Variants in PLXDC2 observed in about 807,000 individuals in gnomAD.
PLXDC2 encodes plexin domain-containing protein 2.
In PLXDC2, 40 loss-of-function variants were observed where a neutral mutation model predicts 68.9. That is an observed-to-expected ratio of 0.58 (90% CI 0.45 to 0.76). The LOEUF (loss-of-function observed/expected upper bound fraction) is 0.76. Among genes scored for constraint, PLXDC2 ranks in the 30% least tolerant of loss-of-function variants. The pLI, the probability that PLXDC2 is intolerant of heterozygous loss-of-function variation, is 0.00. For missense variants in PLXDC2, 644 were observed against 661.9 expected (o/e 0.97, Z 0.30); for synonymous variants, 243 against 234.2 (o/e 1.04, Z -0.34).
At chr10:20,060,370 G>A (rs1313819914) in intron 3 of PLXDC2, among the ~76,000 whole-genome samples, 1 of 151,336 alleles carries the variant, frequency 6.6e-6, no homozygotes, top group African/African-American at 2.4e-5. Flanking sequence ...GGGGAATAAA[G>A]CACGAAATGA....
At chr10:19,929,046 T>C (rs1221172284) in intron 1 of PLXDC2, among the ~76,000 whole-genome samples, 1 of 149,114 alleles carries the variant, frequency 6.7e-6, no homozygotes, top group Non-Finnish European at 1.5e-5. Flanking sequence ...TGAGCCACCA[T>C]GCCCAGACGA....
chr10:20,018,705 TTTC>T (rs1253250867), intron 2 of PLXDC2, among the ~76,000 whole-genome samples: 7 of 152,196 alleles, frequency 4.6e-5, no homozygotes, highest in African/African-American at 1.2e-4. Flanking sequence ...TAATCATTTT[TTTC>T]TTCTTTTTTT....
chr10:19,961,545 A>G (rs138265270), intron 1 of PLXDC2, among the ~76,000 whole-genome samples: 21 of 152,378 alleles, frequency 1.4e-4, no homozygotes, highest in African/African-American at 5.0e-4. Flanking sequence ...GTCTTATGAC[A>G]TGATCAGTTC....
chr10:20,001,487 AG>A (rs1834936739), intron 1 of PLXDC2, among the ~76,000 whole-genome samples: 1 of 152,048 alleles, frequency 6.6e-6, no homozygotes, highest in Non-Finnish European at 1.5e-5. Flanking sequence ...GGAGGGGGCA[AG>A]GGAAGGGAAT....
intron 3 of PLXDC2, among the ~76,000 whole-genome samples, chr10:20,052,478 A>G (rs1416988936): frequency 1.3e-5 from 2 of 152,078 alleles, no homozygotes; most frequent in Non-Finnish European, 2.9e-5. Context: ...TGCAACAAAC[A>G]CACACATACT....
chr10:20,092,189 A>G (rs1408156104), intron 4 of PLXDC2, among the ~76,000 whole-genome samples: 1 of 152,218 alleles, frequency 6.6e-6, no homozygotes, highest in Admixed American at 6.5e-5. Context: ...GAAATACCGC[A>G]TAAGTAATTG....
At chr10:20,044,959 T>C (rs1479438988) in intron 2 of PLXDC2, among the ~76,000 whole-genome samples, 2 of 152,082 alleles carry the variant, frequency 1.3e-5, no homozygotes, top group African/African-American at 2.4e-5. Context: ...TGTTTTACCC[T>C]CAGACAACCC....
chr10:19,830,994 C>T (rs1564602492), intron 1 of PLXDC2, among the ~76,000 whole-genome samples: 1 of 148,322 alleles, frequency 6.7e-6, no homozygotes, highest in African/African-American at 2.5e-5. Context: ...GGTTTGTTTC[C>T]TTTTTTTTTT....
chr10:19,979,466 C>A (rs11011714), intron 1 of PLXDC2, among the ~76,000 whole-genome samples: 1 of 151,398 alleles, frequency 6.6e-6, no homozygotes, highest in Non-Finnish European at 1.5e-5. Flanking sequence ...GCAAGCTCCA[C>A]CTCCCAGGTT....
chr10:19,994,427 C>T (rs762856050), intron 1 of PLXDC2, among the ~76,000 whole-genome samples: 9 of 146,556 alleles, frequency 6.1e-5, no homozygotes, highest in Non-Finnish European at 8.9e-5. Context: ...TTCCTAGGCT[C>T]AAGCGATCCT....
chr10:20,039,349 T>A (rs1156978547), intron 2 of PLXDC2, among the ~76,000 whole-genome samples: 3 of 152,226 alleles, frequency 2.0e-5, no homozygotes, highest in Non-Finnish European at 4.4e-5. Flanking sequence ...ACGGCATTTC[T>A]TTTAATGCTG....
At chr10:20,160,293 G>T (rs200249457) in intron 6 of PLXDC2, among the ~76,000 whole-genome samples, 1 of 152,024 alleles carries the variant, frequency 6.6e-6, no homozygotes, top group East Asian at 1.9e-4. Flanking sequence ...GTGGTGGTTT[G>T]ACAGATGCAG....
At position 20,217,410 on chromosome 10, in the gene PLXDC2, T is replaced by G. The variant is rs192048575; in HGVS notation, c.1123-16T>G. 1.7e-4 allele frequency: 266 copies of G among 1,600,988 alleles called. 1 individual carries two copies. In the African/African-American group the frequency reaches 3.2e-3, roughly 19 times the overall value. ...GTGATCACTCCATTTGTTTTCCTTT[T>G]CTTTTCTCTTACTAGTCAAAAGAGA... On this transcript the variant is annotated splice_polypyrimidine_tract_variant and intron_variant, in intron 10 of 13. Coordinates refer to ENST00000377252, the MANE Select transcript of PLXDC2 (RefSeq NM_032812.9).
At chr10:20,049,474 C>T (rs566375320) in intron 3 of PLXDC2, among the ~76,000 whole-genome samples, 2 of 151,964 alleles carry the variant, frequency 1.3e-5, no homozygotes, top group South Asian at 4.2e-4. Flanking sequence ...TAGTCTAGGC[C>T]CAAAAACTCC....
intron 12 of PLXDC2, among the ~76,000 whole-genome samples, chr10:20,234,208 C>G (rs936364825): frequency 1.3e-5 from 2 of 152,120 alleles, no homozygotes; most frequent in Admixed American, 1.3e-4. Flanking sequence ...GACCAAAGCC[C>G]TTGCAACTAT....
chr10:20,182,988 T>C (rs1589669278), intron 9 of PLXDC2, among the ~76,000 whole-genome samples: 1 of 151,988 alleles, frequency 6.6e-6, no homozygotes, highest in Non-Finnish European at 1.5e-5. Context: ...GAATTAGAAG[T>C]GAAGTAGATG....
chr10:20,004,603 A>G (rs1051428648), intron 2 of PLXDC2, among the ~76,000 whole-genome samples: 8 of 152,192 alleles, frequency 5.3e-5, no homozygotes, highest in Non-Finnish European at 2.9e-5. Context: ...AATGCAAAAA[A>G]TCTGCACCCC....
At chr10:20,217,919 A>G (rs945458052) in intron 11 of PLXDC2, among the ~76,000 whole-genome samples, 1 of 152,072 alleles carries the variant, frequency 6.6e-6, no homozygotes. Flanking sequence ...CAACTTCACA[A>G]TCACAGGTTA....
chr10:19,859,311 A>G (rs1336381416), intron 1 of PLXDC2, among the ~76,000 whole-genome samples: 1 of 152,206 alleles, frequency 6.6e-6, no homozygotes, highest in Non-Finnish European at 1.5e-5. Context: ...ACAATAGCAG[A>G]TGCCAAAGCA....
Sources: allele counts gnomAD v4.1 joint callset (sites outside exome capture counted in the v4.1 genomes callset), GRCh38; gene constraint gnomAD v4.1.1; transcripts MANE v1.5; gene names NCBI Gene and HGNC (gene_info 2026-07-23, HGNC 2026-07-21).